TRIO: variants seen among roughly 807,000 people sequenced by gnomAD.
The protein encoded by TRIO is trio Rho guanine nucleotide exchange factor, also known as triple functional domain protein.
TRIO carries 58 observed loss-of-function variants against 351.9 expected under a neutral mutation model. The observed-to-expected ratio is 0.16, with a 90% confidence interval of 0.13 to 0.21. TRIO has a LOEUF of 0.21. Among genes scored for constraint, TRIO ranks in the 10% least tolerant of loss-of-function variants. The probability of loss-of-function intolerance (pLI) is 1.00; values close to 1 mark genes in which losing one functional copy is unlikely to be tolerated. For synonymous variants in TRIO, 1,758 were observed against 1,595.7 expected, an observed-to-expected ratio of 1.10 and a Z score of -2.42; for missense variants, 3,201 against 4,027.8, an observed-to-expected ratio of 0.79 and a Z score of 5.56.
At position 14,364,804 on chromosome 5, in the gene TRIO, A is replaced by G. The variant is rs748518882; in HGVS notation, c.2742A>G (p.Ala914=). Residue 914 remains alanine (A), a synonymous_variant, in exon 15 of 57, where the codon GCA becomes GCG. Coordinates refer to ENST00000344204, the MANE Select transcript of TRIO (RefSeq NM_007118.4). ...GCGTGCAGCTGCGCCACCTGCAGGCAGAAGTGAAACAGGTGAGCAAACGAC... is the reference window on the plus strand; with the variant it reads ...GCGTGCAGCTGCGCCACCTGCAGGCGGAAGTGAAACAGGTGAGCAAACGAC... ...EQCVQLRHLQ[A]EVKQVLGWIR... is the part of the protein sequence containing the mutation. 3 of 1,610,154 alleles carry G rather than the reference A, an allele frequency of 1.9e-6. No homozygotes were observed. The highest frequency in any genetic ancestry group is 2.7e-5 in the African/African-American group (2 of 74,798).
intron 15 of TRIO, among the ~76,000 whole-genome samples, chr5:14,366,107 C>T (rs1000099444): frequency 3.9e-5 from 6 of 152,032 alleles, no homozygotes; most frequent in African/African-American, 1.4e-4. Context: ...ATTGTTTAAG[C>T]CCTCTCTCAA....
intron 37 of TRIO, among the ~76,000 whole-genome samples, chr5:14,467,546 T>C (rs1374915898): frequency 2.0e-5 from 3 of 152,098 alleles, no homozygotes; most frequent in Non-Finnish European, 4.4e-5. Flanking sequence ...CCTGGTGTGG[T>C]GGTTCATGCC....
chr5:14,398,933 C>G lies in TRIO; in HGVS notation c.4477C>G (p.Gln1493Glu). The G allele has an allele frequency of 6.2e-7, 1 of 1,614,132 alleles. No individual in the cohort carries two copies. Among genetic ancestry groups the G allele is most frequent in the Non-Finnish European group, 8.5e-7 (1 of 1,180,012 alleles). ...QGELILQESF[Q>E]VWDPKTLIRK... is the part of the protein sequence containing the mutation. Reference sequence around the variant, plus strand: ...AGAACTCATCCTACAGGAATCCTTCCAAGTGTGGGACCCAAAAACCTTAAT... The same window carrying G: ...AGAACTCATCCTACAGGAATCCTTCGAAGTGTGGGACCCAAAAACCTTAAT... The change falls in exon 30 of 57, where the codon CAA (glutamine) becomes GAA (glutamate). Residue 1493 changes from glutamine to glutamate, a missense_variant. By Grantham distance (29) the Gln-to-Glu change is conservative. This residue lies in a region of TRIO where 115 missense variants were observed against 239.6 expected (regional missense o/e 0.48). Coordinates refer to ENST00000344204, the MANE Select transcript of TRIO (RefSeq NM_007118.4).
chr5:14,158,637 G>A (rs1429846866), intron 1 of TRIO, among the ~76,000 whole-genome samples: 1 of 152,122 alleles, frequency 6.6e-6, no homozygotes, highest in Non-Finnish European at 1.5e-5. Flanking sequence ...TTTGAGACCA[G>A]CCTGGGCAAC....
intron 11 of TRIO, among the ~76,000 whole-genome samples, chr5:14,339,146 A>G (rs1275677303): frequency 6.6e-6 from 1 of 152,068 alleles, no homozygotes; most frequent in African/African-American, 2.4e-5. Flanking sequence ...CTGAGGCAGG[A>G]GGGTCACTTG....
At chr5:14,145,048 G>T (rs1019967570) in intron 1 of TRIO, among the ~76,000 whole-genome samples, 2 of 152,084 alleles carry the variant, frequency 1.3e-5, no homozygotes, top group Non-Finnish European at 2.9e-5. Flanking sequence ...GCGGGCGGGG[G>T]TGCTGGTGGC....
intron 33 of TRIO, among the ~76,000 whole-genome samples, chr5:14,417,110 G>T (rs767138641): frequency 1.3e-5 from 2 of 152,228 alleles, no homozygotes; most frequent in Non-Finnish European, 2.9e-5. Context: ...CATGAGTGTG[G>T]TTCTACAAGG....
chr5:14,195,259 T>C (rs1790706189), intron 1 of TRIO, among the ~76,000 whole-genome samples: 1 of 152,202 alleles, frequency 6.6e-6, no homozygotes, highest in Non-Finnish European at 1.5e-5. Context: ...CTTCACAGTT[T>C]TGAAGAATAC....
Position 14,453,027 on chromosome 5 carries a change from G to T in TRIO, c.5204-7992G>T, listed in dbSNP as rs367689784. On this transcript the variant is annotated intron_variant, in intron 34 of 56. Transcript: ENST00000344204. ...CATGGTGAAACTCTCTCCTGCGTGG[G>T]GCTGAATGTCAGCACTTCTGCTTTC... Among the ~76,000 whole-genome samples, 81 of 152,084 alleles carry T rather than the reference G, an allele frequency of 5.3e-4. 1 individual carries two copies. Among genetic ancestry groups the T allele is most frequent in the African/African-American group, 1.9e-3 (78 of 41,468 alleles).
chr5:14,311,301 A>G (rs1257153810), intron 8 of TRIO, among the ~76,000 whole-genome samples: 3 of 152,224 alleles, frequency 2.0e-5, no homozygotes, highest in African/African-American at 4.8e-5. Context: ...CCAGGTTTAC[A>G]GGTGTCAGAG....
chr5:14,388,862 T>C (rs1746799118), intron 24 of TRIO, among the ~76,000 whole-genome samples, 183 bp downstream of exon 24: 1 of 152,198 alleles, frequency 6.6e-6, no homozygotes, highest in Non-Finnish European at 1.5e-5. Flanking sequence ...GTTCTAGGTT[T>C]GTTTTTCACT....
At chr5:14,387,140 T>C (rs1746615629) in intron 21 of TRIO, among the ~76,000 whole-genome samples, 1 of 152,256 alleles carries the variant, frequency 6.6e-6, no homozygotes. Context: ...CATTCCTCCA[T>C]GCATCCATTC....
At chr5:14,347,045 G>A (rs1579386373) in intron 11 of TRIO, among the ~76,000 whole-genome samples, 1 of 151,104 alleles carries the variant, frequency 6.6e-6, no homozygotes, top group Non-Finnish European at 1.5e-5. Context: ...TGGACCTGAG[G>A]TCCTGCAGAA....
chr5:14,456,312 G>A (rs1753301234), intron 34 of TRIO, among the ~76,000 whole-genome samples: 1 of 152,266 alleles, frequency 6.6e-6, no homozygotes, highest in Admixed American at 6.5e-5. Flanking sequence ...AGCTCAGAGA[G>A]GGGCTCCCAC....
In TRIO at chr5:14,492,647, C is replaced by T. The variant is rs753196784; in HGVS notation, c.7713C>T (p.Asn2571=). 7.4e-6 allele frequency: 12 copies of T among 1,614,048 alleles called. No individual in the cohort carries two copies. Among genetic ancestry groups the T allele is most frequent in the East Asian group, 6.7e-5 (3 of 44,898 alleles). The change falls in exon 49 of 57, where the codon AAC becomes AAT. Residue 2571 remains asparagine, a synonymous_variant. Coordinates refer to ENST00000344204, the MANE Select transcript of TRIO (RefSeq NM_007118.4). ...CGGCAGTGAAGGAGGATGAGATCAA[C>T]GTCTACCAAGGAGAGGTCGTTCAAA... The part of the protein sequence containing the change: ...DYTAVKEDEI[N]VYQGEVVQIL...
Position 14,309,017 on chromosome 5 carries a change from G to A in TRIO, c.1500+4425G>A, listed in dbSNP as rs75263883. 1.3e-4 allele frequency among the ~76,000 whole-genome samples: 20 copies of A among 151,040 alleles called. No individual in the cohort carries two copies. The East Asian group carries it at 2.7e-3, about 21-fold the overall frequency. On this transcript the variant is annotated intron_variant, in intron 8 of 56. Coordinates refer to ENST00000344204, the MANE Select transcript of TRIO (RefSeq NM_007118.4). ...ATCACCCAACCATCCATCCACCCACGCAGTCACCCAGCCACTCAGCCACTC... is the reference window on the plus strand; with the variant it reads ...ATCACCCAACCATCCATCCACCCACACAGTCACCCAGCCACTCAGCCACTC...
chr5:14,180,647 A>G (rs1789712086), intron 1 of TRIO, among the ~76,000 whole-genome samples: 1 of 152,126 alleles, frequency 6.6e-6, no homozygotes, highest in Admixed American at 6.5e-5. Context: ...TAGTCTGGGC[A>G]ACATAGCAAG....
rs1420416866 is a variant in TRIO at position 14,349,084 on chromosome 5, CAT to C, written c.2047-9093_2047-9092del. ...GCATGTTTGTGTGTATGCACATGAG[CAT>C]GTGTGTTTTTCCTGTGTGTATATGT... On this transcript the variant is annotated intron_variant, in intron 11 of 56. Coordinates refer to ENST00000344204, the MANE Select transcript of TRIO (RefSeq NM_007118.4). Among the ~76,000 whole-genome samples, 9 of 145,278 alleles carry C rather than the reference CAT, an allele frequency of 6.2e-5. No individual in the cohort carries two copies. In the East Asian group the frequency reaches 1.5e-3, roughly 24 times the overall value.
intron 33 of TRIO, among the ~76,000 whole-genome samples, chr5:14,411,445 G>GC (rs1285110749): frequency 1.6e-4 from 25 of 152,338 alleles, no homozygotes; most frequent in African/African-American, 5.5e-4. Context: ...AGCCAGCAGG[G>GC]CCCAGGTGTG....
Sources: gnomAD v4.1 joint callset for allele counts (sites outside exome capture counted in the v4.1 genomes callset) on GRCh38, gnomAD v4.1.1 for gene constraint, gnomAD v4.1.1 regional missense constraint, MANE v1.5 for transcripts, NCBI Gene and HGNC (gene_info 2026-07-23, HGNC 2026-07-21) for gene names.